The following TRMT11 variants were observed in gnomAD, a reference collection of about 807,000 sequenced individuals.
The protein encoded by TRMT11 is tRNA (guanine(10)-N(2))-methyltransferase TRMT11.
A neutral mutation model predicts 62.8 loss-of-function variants in TRMT11; 53 were observed. The ratio of observed to expected loss-of-function variants is 0.84; its 90% CI spans 0.68 to 1.06. The LOEUF (loss-of-function observed/expected upper bound fraction) is 1.06. Ranked by LOEUF, TRMT11 falls within the 50% of genes least tolerant of loss-of-function variation. TRMT11 has a pLI of 0.00. For missense variants in TRMT11, 556 were observed against 553.4 expected (o/e 1.00, Z -0.05); for synonymous variants, 188 against 190.3 (o/e 0.99, Z 0.10).
intron 1 of TRMT11, among the ~76,000 whole-genome samples, chr6:126,185,934 C>T (rs957484680): frequency 6.6e-6 from 1 of 152,082 alleles, no homozygotes; most frequent in Non-Finnish European, 1.5e-5. Flanking sequence ...GGAAACTGCC[C>T]CTATGATCCA....
chr6:126,178,026 C>T (rs1318526351), intron 1 of TRMT11, among the ~76,000 whole-genome samples: 1 of 152,050 alleles, frequency 6.6e-6, no homozygotes, highest in Non-Finnish European at 1.5e-5. Context: ...TTAACCCTTT[C>T]CATTGTTATA....
the TRMT11 span, among the ~76,000 whole-genome samples, chr6:126,249,748 A>C: frequency 6.6e-6 from 1 of 152,288 alleles, no homozygotes; most frequent in East Asian, 1.9e-4. Context: ...CACTCTTCAC[A>C]ATAGAGGTAG....
At chr6:126,037,042 C>T (rs1384729329) in intron 12 of TRMT11, among the ~76,000 whole-genome samples, 1 of 151,962 alleles carries the variant, frequency 6.6e-6, no homozygotes, top group African/African-American at 2.4e-5. Flanking sequence ...TCCAGTTCTA[C>T]TTCTTTCTTG....
At position 126,119,571 on chromosome 6, in the gene TRMT11, A is replaced by T. The variant is rs115232402; in HGVS notation, c.*1823+3716A>T. On this transcript the variant is annotated intron_variant and NMD_transcript_variant, in intron 21 of 22. Coordinates refer to the TRMT11 transcript ENST00000648977. ...ATGAAAGAAGAAAACCGATGCATGGAAAGATGGTAAAGTACCAATGGACCG... is the reference window on the plus strand; with the variant it reads ...ATGAAAGAAGAAAACCGATGCATGGTAAGATGGTAAAGTACCAATGGACCG... 2.3e-3 allele frequency among the ~76,000 whole-genome samples: 351 copies of T among 152,000 alleles called. 1 individual carries two copies. The highest frequency in any genetic ancestry group is 8.1e-3 in the African/African-American group (336 of 41,472).
intron 16 of TRMT11, among the ~76,000 whole-genome samples, chr6:126,052,976 G>T (rs1056512565): frequency 2.0e-5 from 3 of 152,284 alleles, no homozygotes; most frequent in African/African-American, 7.2e-5. Flanking sequence ...TTCTGGGGAA[G>T]ACCTGACCCA....
chr6:126,130,789 A>AC (rs1215173762), intron 21 of TRMT11, among the ~76,000 whole-genome samples: 1 of 152,114 alleles, frequency 6.6e-6, no homozygotes, highest in African/African-American at 2.4e-5. Flanking sequence ...TTTTCTCTTC[A>AC]CATGCCATCC....
At chr6:126,151,929 TTC>T (rs1778059767) in intron 21 of TRMT11, among the ~76,000 whole-genome samples, 1 of 104,564 alleles carries the variant, frequency 9.6e-6, no homozygotes. Flanking sequence ...CTTTCTTTCT[TTC>T]TTTCTTTCTT....
intron 1 of TRMT11, among the ~76,000 whole-genome samples, chr6:125,991,629 T>C (rs1790647909): frequency 6.6e-6 from 1 of 152,058 alleles, no homozygotes; most frequent in Non-Finnish European, 1.5e-5. Context: ...AAATCAGTGA[T>C]ATAGAATCTC....
chr6:126,076,589 C>A (rs1028115602), intron 17 of TRMT11, among the ~76,000 whole-genome samples: 2 of 152,164 alleles, frequency 1.3e-5, no homozygotes, highest in African/African-American at 4.8e-5. Flanking sequence ...GGTTTTCACT[C>A]CACAAAACTT....
At chr6:126,246,201 G>A in the TRMT11 span, among the ~76,000 whole-genome samples, 1 of 152,116 alleles carries the variant, frequency 6.6e-6, no homozygotes, top group African/African-American at 2.4e-5. Flanking sequence ...GGGTGATGGA[G>A]TGAGATCTTG....
rs559348460 is a variant in TRMT11, at chr6:126,087,835, A to T, written c.*1438-25031A>T. ...TTTTCTCTCTGTTTCTGCAAATCCT[A>T]CCACTTCAAGACCTTAGTTTTCCCA... On this transcript the variant is annotated intron_variant and NMD_transcript_variant, in intron 17 of 22. Transcript: ENST00000648977. 2.6e-5 allele frequency among the ~76,000 whole-genome samples: 4 copies of T among 152,336 alleles called. No homozygotes were observed. The East Asian group carries it at 7.7e-4, about 29-fold the overall frequency.
At chr6:126,073,894 G>A (rs945556944) in intron 17 of TRMT11, among the ~76,000 whole-genome samples, 1 of 152,130 alleles carries the variant, frequency 6.6e-6, no homozygotes, top group African/African-American at 2.4e-5. Context: ...AGAAGGGGAA[G>A]CAACACCTCC....
At chr6:126,114,197 A>G (rs891582125) in intron 18 of TRMT11, among the ~76,000 whole-genome samples, 1 of 152,100 alleles carries the variant, frequency 6.6e-6, no homozygotes. Flanking sequence ...GTTCTGATGA[A>G]AACGTATTTC....
At chr6:126,262,033 C>T in the TRMT11 span, among the ~76,000 whole-genome samples, 1 of 152,300 alleles carries the variant, frequency 6.6e-6, no homozygotes, top group South Asian at 2.1e-4. Flanking sequence ...GGCTATCTGC[C>T]TGTAGAGGCA....
At chr6:126,168,109 G>C (rs189886246) in intron 21 of TRMT11, among the ~76,000 whole-genome samples, 1 of 152,180 alleles carries the variant, frequency 6.6e-6, no homozygotes, top group African/African-American at 2.4e-5. Context: ...AGGAGACTAG[G>C]AGCTGGTTAT....
downstream of TRMT11, among the ~76,000 whole-genome samples, chr6:126,040,422 A>T (rs1775841141): frequency 6.6e-6 from 1 of 152,094 alleles, no homozygotes; most frequent in Non-Finnish European, 1.5e-5. Context: ...TTTAGTTGGT[A>T]CTTATAAATA....
intron 12 of TRMT11, among the ~76,000 whole-genome samples, chr6:126,034,522 A>G (rs1266088421): frequency 3.3e-5 from 5 of 152,142 alleles, no homozygotes; most frequent in African/African-American, 4.8e-5. Context: ...TGATAATAGT[A>G]TAGTCAATAG....
At chr6:126,202,518 T>C (rs1049524283), downstream of TRMT11, among the ~76,000 whole-genome samples, 1 of 152,182 alleles carries the variant, frequency 6.6e-6, no homozygotes, top group African/African-American at 2.4e-5. Flanking sequence ...AAAATATACA[T>C]TTCCATAGAA....
At chr6:126,053,601 C>T (rs1199812510) in intron 17 of TRMT11, among the ~76,000 whole-genome samples, 1 of 152,168 alleles carries the variant, frequency 6.6e-6, no homozygotes, top group African/African-American at 2.4e-5. Flanking sequence ...TTACCTGTTC[C>T]TTCCTCTGGA....
Sources: gnomAD v4.1 joint callset for allele counts (sites outside exome capture counted in the v4.1 genomes callset) on GRCh38, gnomAD v4.1.1 for gene constraint, MANE v1.5 for transcripts, NCBI Gene and HGNC (gene_info 2026-07-23, HGNC 2026-07-21) for gene names.